Variants in COLEC10 observed in about 807,000 individuals in gnomAD.
COLEC10 encodes the protein collectin-10.
A neutral mutation model predicts 28.4 loss-of-function variants in COLEC10; 22 were observed. That is an observed-to-expected ratio of 0.78 (90% CI 0.55 to 1.11). COLEC10 has a LOEUF of 1.11. COLEC10 is among the 50% of genes least tolerant of loss of function. COLEC10 has a pLI of 0.00. For missense variants in COLEC10, 361 were observed against 344.1 expected (o/e 1.05, Z -0.39); for synonymous variants, 125 against 116.1 (o/e 1.08, Z -0.49).
the COLEC10 span, among the ~76,000 whole-genome samples, chr8:118,975,890 C>A: frequency 6.6e-6 from 1 of 152,008 alleles, no homozygotes; most frequent in African/African-American, 2.4e-5. Context: ...CTTGAGCTGA[C>A]CAGGCTTCTG....
chr8:118,974,748 C>T, the COLEC10 span, among the ~76,000 whole-genome samples: 2 of 151,980 alleles, frequency 1.3e-5, no homozygotes, highest in Non-Finnish European at 2.9e-5. Context: ...GATGTTTTAT[C>T]GAAGAAGTGG....
intron 2 of COLEC10, among the ~76,000 whole-genome samples, chr8:119,037,019 A>T (rs1293939750): frequency 6.6e-6 from 1 of 152,172 alleles, no homozygotes; most frequent in Non-Finnish European, 1.5e-5. Context: ...TGAGTTTCGT[A>T]TTGGTCAGCT....
At chr8:119,048,111 A>G (rs991686921) in intron 2 of COLEC10, among the ~76,000 whole-genome samples, 4 of 152,154 alleles carry the variant, frequency 2.6e-5, no homozygotes, top group African/African-American at 9.7e-5. Flanking sequence ...CCTAGTACCC[A>G]ATAGGTAATT....
intron 1 of COLEC10, among the ~76,000 whole-genome samples, chr8:118,999,159 T>G (rs1188817249): frequency 6.6e-6 from 1 of 152,142 alleles, no homozygotes; most frequent in Non-Finnish European, 1.5e-5. Flanking sequence ...ATTCATTTAT[T>G]TATTTGTTAT....
chr8:119,025,145 G>A (rs1241257078), intron 2 of COLEC10, among the ~76,000 whole-genome samples: 1 of 152,136 alleles, frequency 6.6e-6, no homozygotes, highest in Non-Finnish European at 1.5e-5. Flanking sequence ...CCAGAATGTT[G>A]AAATTGACTG....
At chr8:118,964,824 G>A in the COLEC10 span, among the ~76,000 whole-genome samples, 2 of 152,174 alleles carry the variant, frequency 1.3e-5, no homozygotes, top group African/African-American at 4.8e-5. Flanking sequence ...GATGGTACAA[G>A]CGGTCACATC....
chr8:119,059,492 G>C (rs1814817551), intron 2 of COLEC10, among the ~76,000 whole-genome samples: 1 of 151,974 alleles, frequency 6.6e-6, no homozygotes, highest in African/African-American at 2.4e-5. Flanking sequence ...TGGTACCTCT[G>C]TTAACAATCA....
chr8:118,976,640 A>G, the COLEC10 span: 2 of 152,446 alleles, frequency 1.3e-5, no homozygotes, highest in East Asian at 3.9e-4. Flanking sequence ...TAAAACCATA[A>G]AAACCCTAGA....
intron 1 of COLEC10, among the ~76,000 whole-genome samples, chr8:119,075,773 GC>G (rs1815216637): frequency 6.6e-6 from 1 of 151,776 alleles, no homozygotes; most frequent in African/African-American, 2.4e-5. Context: ...GAAACCCTGT[GC>G]CCCCCATTCT....
intron 2 of COLEC10, among the ~76,000 whole-genome samples, chr8:119,041,501 TG>T (rs1239450945): frequency 6.6e-6 from 1 of 152,208 alleles, no homozygotes; most frequent in Non-Finnish European, 1.5e-5. Flanking sequence ...TTTTATAAAC[TG>T]TCCTTCCTGG....
At chr8:119,095,943 A>G (rs555322527) in intron 3 of COLEC10, among the ~76,000 whole-genome samples, 1 of 152,340 alleles carries the variant, frequency 6.6e-6, no homozygotes, top group East Asian at 1.9e-4. Flanking sequence ...AAATGAATTA[A>G]GGGAAGAGTC....
At chr8:119,026,473 C>G (rs1814193528) in intron 2 of COLEC10, among the ~76,000 whole-genome samples, 1 of 152,122 alleles carries the variant, frequency 6.6e-6, no homozygotes, top group Non-Finnish European at 1.5e-5. Context: ...GAGGCTCAGA[C>G]AGGAGAATTG....
At chr8:119,037,128 A>T (rs969315598) in intron 2 of COLEC10, among the ~76,000 whole-genome samples, 1 of 152,224 alleles carries the variant, frequency 6.6e-6, no homozygotes, top group Admixed American at 6.5e-5. Context: ...TATCATTCTG[A>T]TTTCAAGAAT....
Position 119,035,257 on chromosome 8 carries a change from C to T in COLEC10, n.235+25704C>T, listed in dbSNP as rs371209611. On this transcript the variant is annotated intron_variant and non_coding_transcript_variant, in intron 2 of 6. Transcript: ENST00000521788. ...GCTCAAGATGGCTTTATACGTGCAT[C>T]AGCCATTCTTTTATGTACTTTCAGG... Among the ~76,000 whole-genome samples, 3 of 152,162 alleles carry T rather than the reference C, an allele frequency of 2.0e-5. No individual in the cohort carries two copies. The East Asian group carries it at 5.8e-4, about 30-fold the overall frequency.
At chr8:118,978,582 A>G in the COLEC10 span, among the ~76,000 whole-genome samples, 2 of 151,876 alleles carry the variant, frequency 1.3e-5, no homozygotes, top group Non-Finnish European at 2.9e-5. Flanking sequence ...TGCAGTTTTA[A>G]AAATATATCT....
chr8:118,961,310 G>A, the COLEC10 span, among the ~76,000 whole-genome samples: 13 of 152,304 alleles, frequency 8.5e-5, no homozygotes, highest in East Asian at 2.5e-3. Context: ...TATTTTGTTA[G>A]CTGTTTCTGT....
intron 1 of COLEC10, among the ~76,000 whole-genome samples, chr8:119,076,004 C>T (rs1256431948): frequency 2.7e-5 from 4 of 148,380 alleles, no homozygotes; most frequent in Non-Finnish European, 4.5e-5. Flanking sequence ...GGGTTCATGC[C>T]ATTCTCCTGC....
chr8:119,049,586 T>C (rs979871532), intron 2 of COLEC10, among the ~76,000 whole-genome samples: 1 of 151,884 alleles, frequency 6.6e-6, no homozygotes, highest in Non-Finnish European at 1.5e-5. Flanking sequence ...GGCTAATTTT[T>C]TGTATTTTTA....
chr8:118,976,304 T>C, the COLEC10 span, among the ~76,000 whole-genome samples: 2 of 152,054 alleles, frequency 1.3e-5, no homozygotes, highest in African/African-American at 4.8e-5. Context: ...AAGTAACTCT[T>C]TCTAAGCCTG....
Sources: gnomAD v4.1 joint callset for allele counts (sites outside exome capture counted in the v4.1 genomes callset) on GRCh38, gnomAD v4.1.1 for gene constraint, MANE v1.5 for transcripts, NCBI Gene and HGNC (gene_info 2026-07-23, HGNC 2026-07-21) for gene names.